The following ROBO1 variants were observed in gnomAD, a reference collection of about 807,000 sequenced individuals.
ROBO1 encodes the protein roundabout homolog 1.
ROBO1 carries 149 observed loss-of-function variants against 195.9 expected under a neutral mutation model. The ratio of observed to expected loss-of-function variants is 0.76; its 90% confidence interval spans 0.67 to 0.87. The LOEUF (loss-of-function observed/expected upper bound fraction) is 0.87. ROBO1 is among the 40% of genes least tolerant of loss of function. The pLI, the probability that ROBO1 is intolerant of heterozygous loss-of-function variation, is 0.00. For synonymous variants in ROBO1, 816 were observed against 733.2 expected (o/e 1.11, Z -1.82); for missense variants, 1,933 against 2,068.3 (o/e 0.93, Z 1.27).
intron 4 of ROBO1, among the ~76,000 whole-genome samples, chr3:78,760,968 C>T (rs1434955062): frequency 2.6e-5 from 4 of 151,624 alleles, no homozygotes; most frequent in East Asian, 1.9e-4. Flanking sequence ...TAAATTGTAA[C>T]GTTTAAAGAA....
chr3:78,809,980 A>G (rs1202785980), intron 4 of ROBO1, among the ~76,000 whole-genome samples: 1 of 140,916 alleles, frequency 7.1e-6, no homozygotes, highest in African/African-American at 2.8e-5. Context: ...CAGAACTTAA[A>G]GTATAGTAAA....
At chr3:78,877,145 C>A (rs2035901807) in intron 4 of ROBO1, among the ~76,000 whole-genome samples, 1 of 151,998 alleles carries the variant, frequency 6.6e-6, no homozygotes, top group Admixed American at 6.6e-5. Flanking sequence ...AACACAAAAG[C>A]AATCAATGTT....
intron 3 of ROBO1, among the ~76,000 whole-genome samples, chr3:78,945,070 C>T (rs377248485): frequency 3.9e-5 from 6 of 152,188 alleles, no homozygotes; most frequent in African/African-American, 9.6e-5. Context: ...CCTGCCTGCC[C>T]CTGTAGGCTC....
At chr3:79,515,013 AT>A (rs11398556) in intron 2 of ROBO1, among the ~76,000 whole-genome samples, 2 of 151,392 alleles carry the variant, frequency 1.3e-5, no homozygotes, top group Non-Finnish European at 2.9e-5. Context: ...CAATTATACT[AT>A]TTTTTTTTCT....
At chr3:78,873,626 T>A (rs2035670194) in intron 4 of ROBO1, among the ~76,000 whole-genome samples, 1 of 152,110 alleles carries the variant, frequency 6.6e-6, no homozygotes, top group Admixed American at 6.6e-5. Flanking sequence ...GGGCTCAATA[T>A]AAAATTAAAT....
At chr3:79,712,164 T>C (rs1702303769) in intron 1 of ROBO1, among the ~76,000 whole-genome samples, 1 of 152,050 alleles carries the variant, frequency 6.6e-6, no homozygotes, top group Admixed American at 6.6e-5. Context: ...CCCATTTTAA[T>C]TAAAAAGCCA....
chr3:79,280,920 C>T (rs1482469116), intron 2 of ROBO1, among the ~76,000 whole-genome samples: 1 of 152,178 alleles, frequency 6.6e-6, no homozygotes, highest in Non-Finnish European at 1.5e-5. Flanking sequence ...TCACTGCCAG[C>T]TATGCGACCT....
At chr3:79,641,738 C>T (rs1483998702) in intron 1 of ROBO1, among the ~76,000 whole-genome samples, 1 of 152,048 alleles carries the variant, frequency 6.6e-6, no homozygotes, top group Non-Finnish European at 1.5e-5. Flanking sequence ...GAGATTGAGG[C>T]TAGGTGTGGT....
chr3:79,514,229 A>C (rs2107551941), intron 2 of ROBO1, among the ~76,000 whole-genome samples: 1 of 152,306 alleles, frequency 6.6e-6, no homozygotes, highest in Middle Eastern at 3.4e-3. Flanking sequence ...AAGCCAGGGG[A>C]AGATTACAGA....
At chr3:79,242,576 G>A (rs1193102246) in intron 2 of ROBO1, among the ~76,000 whole-genome samples, 1 of 152,130 alleles carries the variant, frequency 6.6e-6, no homozygotes, top group East Asian at 1.9e-4. Flanking sequence ...GTGCTGTAGG[G>A]GTGCTACAGA....
chr3:79,021,903 A>G (rs918034233), intron 3 of ROBO1, among the ~76,000 whole-genome samples: 1 of 151,850 alleles, frequency 6.6e-6, no homozygotes, highest in Admixed American at 6.6e-5. Flanking sequence ...CTAGTGATGC[A>G]CCCGCCTTGG....
chr3:79,144,473 C>T (rs955900292), intron 2 of ROBO1, among the ~76,000 whole-genome samples: 1 of 151,910 alleles, frequency 6.6e-6, no homozygotes, highest in Non-Finnish European at 1.5e-5. Context: ...CCTCTCCTTT[C>T]CTTCTTCTAA....
intron 2 of ROBO1, among the ~76,000 whole-genome samples, chr3:79,173,513 A>G (rs1484597133): frequency 2.0e-5 from 3 of 151,982 alleles, no homozygotes; most frequent in Non-Finnish European, 4.4e-5. Context: ...TGGGGCCCCC[A>G]GCAGTGCCGG....
At chr3:79,644,213 C>T (rs1294455492) in intron 1 of ROBO1, among the ~76,000 whole-genome samples, 4 of 151,930 alleles carry the variant, frequency 2.6e-5, no homozygotes, top group African/African-American at 9.7e-5. Context: ...ATAAAGCAAA[C>T]ATTAATAGAT....
chr3:79,525,190 A>G (rs1356519545), intron 2 of ROBO1, among the ~76,000 whole-genome samples: 1 of 151,284 alleles, frequency 6.6e-6, no homozygotes, highest in South Asian at 2.1e-4. Flanking sequence ...ATGTAGAAAT[A>G]GTTTATTAAA....
chr3:79,152,240 G>A (rs1393862182), intron 2 of ROBO1, among the ~76,000 whole-genome samples: 1 of 151,836 alleles, frequency 6.6e-6, no homozygotes, highest in East Asian at 1.9e-4. Flanking sequence ...TAGTACAGCT[G>A]TTTATGTTTA....
At chr3:79,197,565 T>G (rs1444759392) in intron 2 of ROBO1, among the ~76,000 whole-genome samples, 1 of 151,950 alleles carries the variant, frequency 6.6e-6, no homozygotes, top group African/African-American at 2.4e-5. Context: ...GTAATGGGAT[T>G]GCTGGGTCAA....
intron 3 of ROBO1, among the ~76,000 whole-genome samples, chr3:79,112,771 G>A (rs985373531): frequency 7.3e-5 from 11 of 150,814 alleles, no homozygotes; most frequent in African/African-American, 2.4e-5. Flanking sequence ...TGTGGGGTGC[G>A]GGGAGGGGGG....
At chr3:79,369,260 C>T (rs2036097862) in intron 2 of ROBO1, among the ~76,000 whole-genome samples, 1 of 152,196 alleles carries the variant, frequency 6.6e-6, no homozygotes, top group Non-Finnish European at 1.5e-5. Flanking sequence ...ATTCAGCAAG[C>T]TGTAGCCAAT....
Sources: allele counts gnomAD v4.1 joint callset (sites outside exome capture counted in the v4.1 genomes callset), GRCh38; gene constraint gnomAD v4.1.1; transcripts MANE v1.5; gene names NCBI Gene and HGNC (gene_info 2026-07-23, HGNC 2026-07-21).